NPM1: variants seen among roughly 807,000 people sequenced by gnomAD.
The protein encoded by NPM1 is nucleophosmin 1.
In NPM1, 1 loss-of-function variant was observed where a neutral mutation model predicts 44.1. The ratio of observed to expected loss-of-function variants is 0.02; its 90% confidence interval spans 0.01 to 0.11. NPM1 has a LOEUF of 0.11. NPM1 is among the 10% of genes least tolerant of loss of function. The pLI, the probability that NPM1 is intolerant of heterozygous loss-of-function variation, is 1.00. For missense variants in NPM1, 197 were observed against 347.8 expected (o/e 0.57, Z 3.45); for synonymous variants, 126 against 111.8 (o/e 1.13, Z -0.80).
chr5:171,406,392 T>A (rs1771570669), intron 9 of NPM1: 1 of 1,612,306 alleles, frequency 6.2e-7, no homozygotes, highest in South Asian at 1.1e-5. Context: ...TTGGTTTAAT[T>A]GCAGGCGCAT....
intron 6 of NPM1, among the ~76,000 whole-genome samples, chr5:171,398,688 C>G (rs1771035634): frequency 1.3e-5 from 2 of 152,082 alleles, no homozygotes; most frequent in Admixed American, 6.6e-5. Context: ...GGAGAATTCG[C>G]TTGAACCTGG....
At chr5:171,390,183 A>C in intron 2 of NPM1, 53 bp downstream of exon 2, 1 of 1,059,570 alleles carries the variant, frequency 9.4e-7, no homozygotes, top group Non-Finnish European at 1.4e-6. Flanking sequence ...TCAGCCTTTT[A>C]GTTTCTATTC....
intron 3 of NPM1, 119 bp downstream of exon 3, chr5:171,391,543 G>T (rs1770578761): frequency 7.5e-7 from 1 of 1,325,144 alleles, no homozygotes; most frequent in Non-Finnish European, 1.1e-6. Flanking sequence ...TCTGTCACTG[G>T]AGTTCGATGG....
chr5:171,403,643 C>T (rs1267030030), intron 8 of NPM1, among the ~76,000 whole-genome samples: 4 of 131,002 alleles, frequency 3.1e-5, no homozygotes, highest in Non-Finnish European at 6.7e-5. Context: ...GGGGCTGACC[C>T]CCCCCACCTC....
chr5:171,389,451 T>C (rs540993674), intron 1 of NPM1, among the ~76,000 whole-genome samples: 24 of 152,358 alleles, frequency 1.6e-4, no homozygotes, highest in Non-Finnish European at 2.8e-4. Context: ...TAGCTGAGAA[T>C]TCTGGTAAAT....
At chr5:171,395,520 G>A (rs1056534667) in intron 6 of NPM1, among the ~76,000 whole-genome samples, 4 of 152,052 alleles carry the variant, frequency 2.6e-5, no homozygotes, top group Non-Finnish European at 5.9e-5. Context: ...AGCTGGTCTC[G>A]AACTCCAAAG....
At chr5:171,401,903 A>G (rs1321445973) in intron 8 of NPM1, among the ~76,000 whole-genome samples, 12 of 152,164 alleles carry the variant, frequency 7.9e-5, no homozygotes, top group Admixed American at 7.9e-4. Flanking sequence ...ACTTCCCTGC[A>G]GAAAATGGAA....
At chr5:171,389,259 GTTAA>G (rs1273707519) in intron 1 of NPM1, among the ~76,000 whole-genome samples, 1 of 152,208 alleles carries the variant, frequency 6.6e-6, no homozygotes. Context: ...GCTGAGATTT[GTTAA>G]TTAAACGTCT....
At chr5:171,404,962 G>T (rs1771485407) in intron 8 of NPM1, among the ~76,000 whole-genome samples, 2 of 152,132 alleles carry the variant, frequency 1.3e-5, no homozygotes, top group Admixed American at 1.3e-4. Context: ...TTAAAGAGAT[G>T]GGTGGCCTAC....
intron 6 of NPM1, 55 bp downstream of exon 6, chr5:171,393,033 A>C: frequency 6.4e-7 from 1 of 1,565,856 alleles, no homozygotes. Flanking sequence ...AAAAAAAGGA[A>C]TTTGACATAG....
At chr5:171,391,497 A>C in intron 3 of NPM1, 73 bp downstream of exon 3, 2 of 1,568,174 alleles carry the variant, frequency 1.3e-6, no homozygotes, top group Middle Eastern at 1.7e-4. Flanking sequence ...GGTGTCATTT[A>C]GTTGTGCCAA....
At chr5:171,404,001 T>G (rs577123245) in intron 8 of NPM1, among the ~76,000 whole-genome samples, 8 of 58,304 alleles carry the variant, frequency 1.4e-4, no homozygotes, top group Admixed American at 1.6e-4. Flanking sequence ...CTGGCCGGGC[T>G]GAGGGGCTCC....
rs755281834 is a variant in NPM1 at position 171,391,285 on chromosome 5, T to C, written c.139-20T>C. 5.6e-6 allele frequency: 9 copies of C among 1,603,294 alleles called. No individual in the cohort carries two copies. The highest frequency in any genetic ancestry group is 7.7e-6 in the Non-Finnish European group (9 of 1,175,232). ...AGGTGGAACTCAAAAGTTGAAGTAGTATTTTTTTTTTGTTCACAGGTCAGT... is the reference window on the plus strand; with the variant it reads ...AGGTGGAACTCAAAAGTTGAAGTAGCATTTTTTTTTTGTTCACAGGTCAGT... On this transcript the variant is annotated intron_variant, in intron 2 of 10. Transcript: ENST00000296930.
intron 8 of NPM1, among the ~76,000 whole-genome samples, chr5:171,401,990 G>T (rs138968941): frequency 6.3e-4 from 96 of 151,526 alleles, no homozygotes; most frequent in East Asian, 2.5e-3. Flanking sequence ...ATGGTCTGGG[G>T]TGGGCGCCAG....
upstream of NPM1, chr5:171,387,752 G>T (rs75828148): frequency 1.4e-5 from 9 of 621,100 alleles, no homozygotes; most frequent in Non-Finnish European, 2.6e-5. Context: ...CTACGGTACG[G>T]GGGTGGGAGG....
intron 8 of NPM1, among the ~76,000 whole-genome samples, chr5:171,401,304 T>C (rs1172874791): frequency 1.3e-5 from 2 of 151,636 alleles, no homozygotes; most frequent in African/African-American, 4.9e-5. Flanking sequence ...TGCAGTGAGA[T>C]TGCACCACTG....
intron 8 of NPM1, among the ~76,000 whole-genome samples, chr5:171,404,895 AACTG>A (rs779151919): frequency 2.0e-4 from 31 of 152,076 alleles, no homozygotes; most frequent in Non-Finnish European, 3.7e-4. Flanking sequence ...TCCTTTTTTG[AACTG>A]ACTTAGTACT....
At chr5:171,391,961 G>T (rs80185541) in intron 4 of NPM1, among the ~76,000 whole-genome samples, 162 bp downstream of exon 4, 1 of 74,568 alleles carries the variant, frequency 1.3e-5, no homozygotes, top group African/African-American at 3.7e-5. Flanking sequence ...TTGGGGCGGG[G>T]GGGAGAGGAA....
At chr5:171,390,381 A>C (rs892913817) in intron 2 of NPM1, among the ~76,000 whole-genome samples, 1 of 152,196 alleles carries the variant, frequency 6.6e-6, no homozygotes, top group Non-Finnish European at 1.5e-5. Flanking sequence ...TGAATTACAA[A>C]GCCCTTGTAA....
Sources: gnomAD v4.1 joint callset for allele counts (sites outside exome capture counted in the v4.1 genomes callset) on GRCh38, gnomAD v4.1.1 for gene constraint, MANE v1.5 for transcripts, NCBI Gene and HGNC (gene_info 2026-07-23, HGNC 2026-07-21) for gene names.